Variants in VPS13B observed in about 807,000 individuals in gnomAD.
VPS13B encodes the protein intermembrane lipid transfer protein VPS13B.
In VPS13B, 285 loss-of-function variants were observed where a neutral mutation model predicts 426.4. That is an observed-to-expected ratio of 0.67 (90% CI 0.61 to 0.74). The LOEUF (loss-of-function observed/expected upper bound fraction) is 0.74, where lower values mean the gene tolerates loss of function less well. Among genes scored for constraint, VPS13B ranks in the 30% least tolerant of loss-of-function variants. The probability of loss-of-function intolerance (pLI) is 0.00; values close to 1 mark genes in which losing one functional copy is unlikely to be tolerated. For synonymous variants in VPS13B, 1,676 were observed against 1,676.4 expected, an observed-to-expected ratio of 1.00 and a Z score of 0.01; for missense variants, 4,537 against 4,782.6, an observed-to-expected ratio of 0.95 and a Z score of 1.51.
rs140883225 is a variant in VPS13B, at chr8:99,126,856, G to A, written c.1206+5411G>A. Among the ~76,000 whole-genome samples the A allele has an allele frequency of 1.8e-3, 269 of 152,262 alleles. 4 individuals carry two copies. The East Asian group carries it at 0.033, about 19-fold the overall frequency. On this transcript the variant is annotated intron_variant, in intron 8 of 61. Coordinates refer to ENST00000357162, the MANE Select transcript of VPS13B (RefSeq NM_152564.5). ...TGCCTATAATCCCAGCACTTTAGGA[G>A]GCCAAAGCAGGCGGATCACTTGAGC...
intron 17 of VPS13B, among the ~76,000 whole-genome samples, chr8:99,239,572 C>T (rs1816811592): frequency 6.6e-6 from 1 of 152,080 alleles, no homozygotes. Context: ...GAATACTCAT[C>T]CTCAGCATTT....
chr8:99,433,182 C>T (rs1817203641), intron 22 of VPS13B, among the ~76,000 whole-genome samples: 1 of 152,170 alleles, frequency 6.6e-6, no homozygotes, highest in Admixed American at 6.5e-5. Flanking sequence ...CTGCACTGCC[C>T]TTCAGCAGGC....
rs187351341 is a variant in VPS13B, at chr8:99,684,419, G to A, written c.6047-15106G>A. Among the ~76,000 whole-genome samples the A allele has an allele frequency of 1.4e-3, 207 of 152,302 alleles. 1 individual carries two copies. The highest frequency in any genetic ancestry group is 1.1e-3 in the Non-Finnish European group (73 of 68,022). ...TTTCCCTAGTCCCTCTGAGCATTAA[G>A]AGACTCCTTCACACTCCTTGAAGCC... On this transcript the variant is annotated intron_variant, in intron 35 of 61. Coordinates refer to ENST00000357162, the MANE Select transcript of VPS13B (RefSeq NM_152564.5).
chr8:99,243,641 T>C (rs1002627103), intron 17 of VPS13B, among the ~76,000 whole-genome samples: 3 of 152,214 alleles, frequency 2.0e-5, no homozygotes, highest in Non-Finnish European at 4.4e-5. Flanking sequence ...ACCTCAAATT[T>C]TTACAGCTAA....
chr8:99,281,147 G>A (rs1004971539), intron 19 of VPS13B, among the ~76,000 whole-genome samples: 18 of 152,072 alleles, frequency 1.2e-4, no homozygotes, highest in South Asian at 1.0e-3. Flanking sequence ...TAGATCCCTC[G>A]CGTGCACATT....
chr8:99,557,328 T>C (rs1193246578), intron 31 of VPS13B, among the ~76,000 whole-genome samples: 1 of 148,552 alleles, frequency 6.7e-6, no homozygotes, highest in African/African-American at 2.5e-5. Flanking sequence ...CCAAAGTCCA[T>C]TATATCATTC....
chr8:99,579,265 G>T (rs1323176765), intron 33 of VPS13B, among the ~76,000 whole-genome samples: 2 of 152,140 alleles, frequency 1.3e-5, no homozygotes, highest in East Asian at 3.8e-4. Flanking sequence ...ATTATTAGCA[G>T]AACTCATATC....
intron 8 of VPS13B, among the ~76,000 whole-genome samples, chr8:99,132,845 TTAAAG>T (rs1809874266): frequency 6.6e-6 from 1 of 152,156 alleles, no homozygotes; most frequent in Admixed American, 6.5e-5. Flanking sequence ...TTCCATAGGC[TTAAAG>T]TATTTAGTAA....
intron 33 of VPS13B, among the ~76,000 whole-genome samples, chr8:99,606,624 C>CTTTTTTTTTTTTTTTTTTTTTTTTTTT (rs1193844207): frequency 7.3e-6 from 1 of 137,238 alleles, no homozygotes; most frequent in African/African-American, 2.6e-5. Context: ...TTTTCTTTTT[C>CTTTTTTTTTTTTTTTTTTTTTTTTTTT]TTTTCTTTTT....
rs564444089 is a variant in VPS13B, at chr8:99,712,522, C to A, written c.6455-4649C>A. ...CGTTGTCACCAGAACATAGCTATAG[C>A]TAGCTCAGTGCCTGCCTTCATTGCA... On this transcript the variant is annotated intron_variant, in intron 36 of 61. Transcript: ENST00000357162. Among the ~76,000 whole-genome samples the A allele has an allele frequency of 4.6e-5, 7 of 152,306 alleles. No individual in the cohort carries two copies. In the East Asian group the frequency reaches 7.7e-4, roughly 17 times the overall value.
intron 21 of VPS13B, among the ~76,000 whole-genome samples, chr8:99,421,369 A>C (rs1588356849): frequency 6.6e-6 from 1 of 152,322 alleles, no homozygotes; most frequent in East Asian, 1.9e-4. Flanking sequence ...GGAATGAGTA[A>C]ATCTGATGTT....
At chr8:99,467,273 G>A (rs545529708) in intron 23 of VPS13B, 141 bp from the exon 24 acceptor site, 15 of 847,692 alleles carry the variant, frequency 1.8e-5, no homozygotes, top group African/African-American at 1.2e-4. Flanking sequence ...GTTTAGCACC[G>A]TGGTCTCAGG....
intron 17 of VPS13B, among the ~76,000 whole-genome samples, chr8:99,257,999 C>G (rs1164512244): frequency 6.6e-6 from 1 of 151,898 alleles, no homozygotes; most frequent in Non-Finnish European, 1.5e-5. Context: ...ATATGAGAAG[C>G]AGGCATTTTG....
chr8:99,483,372 G>C (rs1229637786), intron 25 of VPS13B, among the ~76,000 whole-genome samples: 3 of 152,096 alleles, frequency 2.0e-5, no homozygotes, highest in Non-Finnish European at 2.9e-5. Flanking sequence ...AGTAAAAGCA[G>C]TGAATTCTTT....
chr8:99,340,025 C>T (rs554179036), intron 19 of VPS13B, among the ~76,000 whole-genome samples: 1 of 152,328 alleles, frequency 6.6e-6, no homozygotes, highest in Admixed American at 6.5e-5. Flanking sequence ...GAACATTTCA[C>T]TGTGAACGCA....
intron 43 of VPS13B, among the ~76,000 whole-genome samples, chr8:99,796,175 C>A (rs1210086830): frequency 6.6e-6 from 1 of 151,886 alleles, no homozygotes; most frequent in Non-Finnish European, 1.5e-5. Flanking sequence ...TGTTAAATGT[C>A]CTAAGGGAAC....
intron 19 of VPS13B, among the ~76,000 whole-genome samples, chr8:99,338,024 T>C (rs1378643742): frequency 6.6e-6 from 1 of 152,186 alleles, no homozygotes; most frequent in Non-Finnish European, 1.5e-5. Context: ...CATGATTTTA[T>C]TTCTGGAATT....
At chr8:99,107,735 A>G (rs6991283) in intron 5 of VPS13B, among the ~76,000 whole-genome samples, 125,461 of 152,144 alleles carry the variant, frequency 0.82, 52,235 homozygotes, top group South Asian at 0.89. Context: ...GAATAACTGC[A>G]TATGTAAACA....
In VPS13B at chr8:99,871,469, C is replaced by T. The variant is rs1001918842; in HGVS notation, c.11517C>T (p.Gly3839=). Residue 3839 remains glycine, a synonymous_variant, in exon 61 of 62, where the codon GGC becomes GGT. Coordinates refer to ENST00000357162, the MANE Select transcript of VPS13B (RefSeq NM_152564.5). The stretch of plus-strand genomic sequence containing the variant: ...ACAGGAAAATGCTTCAGTCTCTGGG[C>T]AGACCAGAAGTCCACATGGCCCTGG... ...KYVWKMLQSL[G]RPEVHMALDV... is the part of the protein sequence containing the mutation. The T allele has an allele frequency of 1.9e-6, 3 of 1,614,090 alleles. No individual in the cohort carries two copies. In the African/African-American group the frequency reaches 4.0e-5, roughly 22 times the overall value.
Sources: allele counts gnomAD v4.1 joint callset (sites outside exome capture counted in the v4.1 genomes callset), GRCh38; gene constraint gnomAD v4.1.1; transcripts MANE v1.5; gene names NCBI Gene and HGNC (gene_info 2026-07-23, HGNC 2026-07-21).